NPRL3: variants seen among roughly 807,000 people sequenced by gnomAD.
NPRL3 encodes NPR3 like, GATOR1 complex subunit, also known as GATOR1 complex protein NPRL3.
A neutral mutation model predicts 57.2 loss-of-function variants in NPRL3; 23 were observed. The ratio of observed to expected loss-of-function variants is 0.40; its 90% CI spans 0.29 to 0.57. NPRL3 has a LOEUF of 0.57. NPRL3 is among the 20% of genes least tolerant of loss of function. The probability of loss-of-function intolerance (pLI) is 0.42; values close to 1 mark genes in which losing one functional copy is unlikely to be tolerated. For missense variants in NPRL3, 691 were observed against 767.1 expected (o/e 0.90, Z 1.17); for synonymous variants, 333 against 321.1 (o/e 1.04, Z -0.39).
chr16:116,136 A>G (rs905837261), intron 5 of NPRL3, among the ~76,000 whole-genome samples: 14 of 150,320 alleles, frequency 9.3e-5, no homozygotes, highest in Admixed American at 4.6e-4. Context: ...TCCTGGAAAC[A>G]CTATTCCCCG....
chr16:118,086 T>C lies in NPRL3; in HGVS notation c.319-711A>G, dbSNP rs531139903. On this transcript the variant is annotated intron_variant, in intron 4 of 13. Transcript: ENST00000611875. ...TGTGCCCCAGCTGTGGAGGCTGTGA[T>C]GAGAAGGGAGGGTGCGGTACAGGGG... is the stretch of plus-strand genomic sequence containing the variant. Among the ~76,000 whole-genome samples the C allele has an allele frequency of 3.3e-5, 5 of 152,228 alleles. No individual in the cohort carries two copies. In the South Asian group the frequency reaches 6.2e-4, roughly 19 times the overall value.
chr16:136,698 A>G (rs558697971), intron 2 of NPRL3, among the ~76,000 whole-genome samples: 32 of 151,698 alleles, frequency 2.1e-4, no homozygotes, highest in African/African-American at 7.7e-4. Context: ...AAAAAAAAAA[A>G]AAAAGAAAAA....
chr16:112,910 G>C (rs186708182), intron 5 of NPRL3, 135 bp from the exon 6 acceptor site: 1 of 860,490 alleles, frequency 1.2e-6, no homozygotes, highest in South Asian at 2.9e-5. Context: ...CTTTCCCCCA[G>C]GCTCCTTTGC....
chr16:89,092 C>G, intron 12 of NPRL3: 1 of 594,778 alleles, frequency 1.7e-6, no homozygotes, highest in Non-Finnish European at 3.0e-6. Flanking sequence ...AACGGGTAGC[C>G]TCCCCTCTGG....
At chr16:99,937 C>T (rs1317856914) in intron 8 of NPRL3, among the ~76,000 whole-genome samples, 1 of 132,932 alleles carries the variant, frequency 7.5e-6, no homozygotes, top group Non-Finnish European at 1.5e-5. Flanking sequence ...CTGTCTCTCT[C>T]TCACACACAC....
At chr16:118,742 C>G (rs72763662) in intron 4 of NPRL3, among the ~76,000 whole-genome samples, 89 of 152,372 alleles carry the variant, frequency 5.8e-4, no homozygotes, top group Non-Finnish European at 1.2e-3. Context: ...GAGCTGGTGT[C>G]AGCCTCAGTT....
chr16:99,060 T>G (rs1398555996), intron 8 of NPRL3, among the ~76,000 whole-genome samples: 1 of 152,178 alleles, frequency 6.6e-6, no homozygotes, highest in Non-Finnish European at 1.5e-5. Flanking sequence ...AAACATCTGT[T>G]GATTGAAGAC....
Position 92,681 on chromosome 16 carries a change from T to C in NPRL3, c.1076A>G (p.His359Arg). ...AEQFSHQFPS[H>R]DLPSVLAKFS... ...CTTGGCAAGAACGGACGGCAGGTCA[T>C]GAGATGGGAACTGGTGGGAGAACTG... is the stretch of plus-strand genomic sequence containing the variant. The change falls in exon 11 of 14, where the codon CAT (histidine) becomes CGT (arginine). Residue 359 changes from histidine (H) to arginine (R), a missense_variant. Physicochemically the swap from His to Arg is conservative, Grantham distance 29. Transcript: ENST00000611875. 6.2e-7 allele frequency: 1 copy of C among 1,613,016 alleles called. No homozygotes were observed. The highest frequency in any genetic ancestry group is 8.5e-7 in the Non-Finnish European group (1 of 1,179,108).
chr16:86,107 C>A lies in NPRL3; in HGVS notation c.*598G>T. The A allele has an allele frequency of 3.9e-6, 1 of 258,762 alleles. No homozygotes were observed. The highest frequency in any genetic ancestry group is 7.3e-6 in the Non-Finnish European group (1 of 136,896). The allele number at this position is 258,762 out of a possible 1,614,324, so 16.0% of individuals were successfully genotyped here. A position where few individuals can be genotyped will look rare whatever the true frequency, so the allele number is the denominator to read the frequency against. On this transcript the variant is annotated 3_prime_UTR_variant, in exon 14 of 14. Transcript: ENST00000611875. ...CCCAGGCCCTCGTGCCCCAGATGGTCAGGACCAGGTCACAGCTTGGCTATG... is the reference window on the plus strand; with the variant it reads ...CCCAGGCCCTCGTGCCCCAGATGGTAAGGACCAGGTCACAGCTTGGCTATG...
chr16:123,890 AG>A (rs1478430437), intron 3 of NPRL3, among the ~76,000 whole-genome samples: 9 of 99,780 alleles, frequency 9.0e-5, no homozygotes, highest in East Asian at 3.2e-4. Flanking sequence ...GCTGAGAAAC[AG>A]GGTCACACAC....
chr16:116,493 G>A (rs935505496), intron 5 of NPRL3, among the ~76,000 whole-genome samples: 1 of 152,124 alleles, frequency 6.6e-6, no homozygotes, highest in East Asian at 1.9e-4. Context: ...TTAATTTGTA[G>A]TTCCTTATTT....
intron 7 of NPRL3, among the ~76,000 whole-genome samples, chr16:106,250 G>A (rs568166216): frequency 5.3e-4 from 81 of 152,300 alleles, no homozygotes; most frequent in African/African-American, 1.9e-3. Flanking sequence ...GGAGGTTGCA[G>A]TGAACTGAGA....
chr16:109,254 A>C (rs1899674632), intron 7 of NPRL3, among the ~76,000 whole-genome samples: 1 of 152,194 alleles, frequency 6.6e-6, no homozygotes, highest in Non-Finnish European at 1.5e-5. Context: ...GGCGTGAGTC[A>C]CCACGCCCGG....
intron 1 of NPRL3, 146 bp from the exon 2 acceptor site, chr16:138,480 GAGGCGGAGGGGGCC>G: frequency 4.0e-5 from 1 of 25,258 alleles, no homozygotes; most frequent in African/African-American, 2.1e-4. Flanking sequence ...GGCAGGGGTG[GAGGCGGAGGGGGCC>G]TGAGGAGGGC....
chr16:119,199 T>G lies in NPRL3; in HGVS notation c.245A>C (p.Gln82Pro), dbSNP rs1178301849. 6.2e-7 allele frequency: 1 copy of G among 1,612,328 alleles called. No individual in the cohort carries two copies. Among genetic ancestry groups the G allele is most frequent in the Non-Finnish European group, 8.5e-7 (1 of 1,179,214 alleles). ...ATTATCAATCTTCAGTTCAAATTTT[T>G]GGCCACACATTTCAGACTTGGTTGC... ...ILATKSEMCGQKFELKIDNVR... is the reference protein window; with the variant it reads ...ILATKSEMCGPKFELKIDNVR... Residue 82 changes from glutamine (Q) to proline (P), a missense_variant, in exon 4 of 14, where the codon CAA (glutamine) becomes CCA (proline). Gln to Pro is a moderately conservative substitution (Grantham distance 76). Coordinates refer to ENST00000611875, the MANE Select transcript of NPRL3 (RefSeq NM_001077350.3).
intron 2 of NPRL3, among the ~76,000 whole-genome samples, chr16:134,691 A>T (rs368632575): frequency 0.076 from 8,210 of 108,506 alleles, 405 homozygotes; most frequent in African/African-American, 0.16. Context: ...AGTAATTATT[A>T]TTATTTTTTT....
intron 4 of NPRL3, among the ~76,000 whole-genome samples, chr16:117,980 C>T (rs1402972791): frequency 6.6e-6 from 1 of 152,200 alleles, no homozygotes; most frequent in Non-Finnish European, 1.5e-5. Context: ...CATCCCCTAC[C>T]CCTGACTGCC....
chr16:89,364 A>C, intron 12 of NPRL3: 1 of 307,404 alleles, frequency 3.3e-6, no homozygotes, highest in Non-Finnish European at 6.0e-6. Flanking sequence ...CACACTGGCC[A>C]TGACGGCTCT....
At chr16:104,285 C>T (rs578143577) in intron 7 of NPRL3, among the ~76,000 whole-genome samples, 1 of 151,982 alleles carries the variant, frequency 6.6e-6, no homozygotes, top group African/African-American at 2.4e-5. Context: ...AGAGCAAGAC[C>T]CTGTCTCAAA....
Sources: allele counts gnomAD v4.1 joint callset (sites outside exome capture counted in the v4.1 genomes callset), GRCh38; gene constraint gnomAD v4.1.1; transcripts MANE v1.5; gene names NCBI Gene and HGNC (gene_info 2026-07-23, HGNC 2026-07-21).